Variants in EIPR1 observed in about 807,000 individuals in gnomAD.
The protein encoded by EIPR1 is EARP complex and GARP complex interacting protein 1, also known as EARP and GARP complex-interacting protein 1.
Under a neutral mutation model 48.1 loss-of-function variants are expected in EIPR1, and 25 were observed. The ratio of observed to expected loss-of-function variants is 0.52; its 90% CI spans 0.38 to 0.73. EIPR1 has a LOEUF of 0.73. Ranked by LOEUF, EIPR1 falls within the 30% of genes least tolerant of loss-of-function variation. The probability of loss-of-function intolerance (pLI) is 0.00; values close to 1 mark genes in which losing one functional copy is unlikely to be tolerated. For missense variants in EIPR1, 415 were observed against 506.2 expected (o/e 0.82, Z 1.73); for synonymous variants, 204 against 201.9 (o/e 1.01, Z -0.09).
intron 2 of EIPR1, among the ~76,000 whole-genome samples, chr2:3,341,111 A>C (rs1466229376): frequency 1.1e-4 from 16 of 149,132 alleles, no homozygotes; most frequent in Middle Eastern, 3.4e-3. Context: ...AAAAAAAAAA[A>C]AAAAAAAAAC....
At chr2:3,218,168 G>T (rs577681056) in intron 4 of EIPR1, among the ~76,000 whole-genome samples, 1 of 151,066 alleles carries the variant, frequency 6.6e-6, no homozygotes, top group East Asian at 2.0e-4. Flanking sequence ...AGTGAGTCAG[G>T]TGGACACCCA....
intron 1 of EIPR1, among the ~76,000 whole-genome samples, chr2:3,373,389 G>A (rs1659760829): frequency 6.6e-6 from 1 of 151,936 alleles, no homozygotes; most frequent in Admixed American, 6.6e-5. Flanking sequence ...AGGGCAATTA[G>A]GCAGAAGGAA....
chr2:3,206,759 T>TA (rs1165694351), intron 5 of EIPR1, among the ~76,000 whole-genome samples: 2 of 152,148 alleles, frequency 1.3e-5, no homozygotes, highest in East Asian at 1.9e-4. Context: ...ATTTTTTTTT[T>TA]ACCAAGATAG....
At position 3,338,160 on chromosome 2, in the gene EIPR1, A is replaced by C. The variant is rs758713617; in HGVS notation, c.127-11T>G. 37 of 1,608,434 alleles carry C rather than the reference A, an allele frequency of 2.3e-5. No homozygotes were observed. Among genetic ancestry groups the C allele is most frequent in the Non-Finnish European group, 3.1e-5 (37 of 1,178,886 alleles). On this transcript the variant is annotated splice_polypyrimidine_tract_variant and intron_variant, in intron 2 of 8. Coordinates refer to ENST00000382125, the MANE Select transcript of EIPR1 (RefSeq NM_003310.5). Reference sequence around the variant, plus strand: ...ATCTATGATATGGATCTACAAATACAAGAAAAGAGCACATCAGGATCTCAA... The same window carrying C: ...ATCTATGATATGGATCTACAAATACCAGAAAAGAGCACATCAGGATCTCAA...
At chr2:3,223,929 C>T (rs926622319) in intron 4 of EIPR1, among the ~76,000 whole-genome samples, 1 of 152,192 alleles carries the variant, frequency 6.6e-6, no homozygotes, top group Non-Finnish European at 1.5e-5. Flanking sequence ...GTGGCACCCA[C>T]CTCTTCCAAC....
intron 5 of EIPR1, among the ~76,000 whole-genome samples, chr2:3,203,967 G>A (rs1430430725): frequency 3.3e-5 from 5 of 152,234 alleles, no homozygotes; most frequent in African/African-American, 1.2e-4. Flanking sequence ...TTCAAGCAGA[G>A]GACCTAGCTG....
intron 5 of EIPR1, chr2:3,208,730 T>C (rs572418863): frequency 1.4e-5 from 21 of 1,548,718 alleles, no homozygotes; most frequent in Middle Eastern, 1.7e-4. Context: ...TGCGTGAGGC[T>C]CGTGGCGGGT....
chr2:3,360,942 G>T (rs988693757), intron 1 of EIPR1, among the ~76,000 whole-genome samples: 1 of 152,020 alleles, frequency 6.6e-6, no homozygotes, highest in African/African-American at 2.4e-5. Context: ...AAGGGGAGGA[G>T]AAGGGAGGAG....
intron 4 of EIPR1, among the ~76,000 whole-genome samples, chr2:3,234,203 G>A (rs144116618): frequency 8.5e-4 from 129 of 152,342 alleles, no homozygotes; most frequent in African/African-American, 2.9e-3. Context: ...GGCATGTCTT[G>A]TATTTTGCTG....
intron 3 of EIPR1, among the ~76,000 whole-genome samples, chr2:3,296,506 A>C (rs1200235787): frequency 1.7e-5 from 2 of 118,102 alleles, no homozygotes; most frequent in Non-Finnish European, 3.4e-5. Context: ...CACACCCTCC[A>C]ACCAGCCCAT....
intron 3 of EIPR1, among the ~76,000 whole-genome samples, chr2:3,323,245 C>G (rs114359484): frequency 3.2e-4 from 48 of 152,242 alleles, no homozygotes; most frequent in African/African-American, 1.1e-3. Context: ...AGGCTCAAGA[C>G]GTGGAATCCC....
At chr2:3,365,579 G>C (rs1670952632) in intron 1 of EIPR1, among the ~76,000 whole-genome samples, 1 of 150,782 alleles carries the variant, frequency 6.6e-6, no homozygotes, top group African/African-American at 2.4e-5. Context: ...GGGAAGGTCA[G>C]CAGATAAACA....
Position 3,331,116 on chromosome 2 carries a change from T to C in EIPR1, c.259+6901A>G, listed in dbSNP as rs913798494. Among the ~76,000 whole-genome samples the C allele has an allele frequency of 5.4e-3, 655 of 121,790 alleles. 50 individuals are homozygous for C. The highest frequency in any genetic ancestry group is 0.01 in the East Asian group (36 of 3,594). The allele number at this position is 121,790 out of a possible 152,430, so 79.9% of individuals were successfully genotyped here. ...GTGAGCAGAGGCAGGCACACACTCC[T>C]GAGGTGGTGTGAGCAGAAGCAGGCG... On this transcript the variant is annotated intron_variant, in intron 3 of 8. Transcript: ENST00000382125.
intron 2 of EIPR1, among the ~76,000 whole-genome samples, chr2:3,349,445 C>T (rs952015250): frequency 6.6e-6 from 1 of 152,256 alleles, no homozygotes; most frequent in Non-Finnish European, 1.5e-5. Flanking sequence ...GCCCACACAG[C>T]CAGCTCCAGG....
chr2:3,376,431 G>A (rs1164717330), intron 1 of EIPR1, among the ~76,000 whole-genome samples: 1 of 152,138 alleles, frequency 6.6e-6, no homozygotes, highest in Non-Finnish European at 1.5e-5. Context: ...GGTGGCTCAC[G>A]CCTGTAATCC....
chr2:3,246,855 G>GGAAGGGAGGGAA (rs1425585288), intron 4 of EIPR1, among the ~76,000 whole-genome samples: 1 of 66,594 alleles, frequency 1.5e-5, no homozygotes, highest in African/African-American at 6.3e-5. Context: ...GAGGGAAGGA[G>GGAAGGGAGGGAA]GAAGGGAGGG....
In EIPR1 at chr2:3,286,150, C is replaced by CGTCT. The variant is rs1174343199; in HGVS notation, c.260-28696_260-28695insAGAC. 6.6e-6 allele frequency among the ~76,000 whole-genome samples: 1 copy of CGTCT among 152,202 alleles called. No individual in the cohort carries two copies. Among genetic ancestry groups the CGTCT allele is most frequent in the Non-Finnish European group, 1.5e-5 (1 of 68,040 alleles). On this transcript the variant is annotated intron_variant, in intron 3 of 8. Coordinates refer to ENST00000382125, the MANE Select transcript of EIPR1 (RefSeq NM_003310.5). This position sits in a 1 kb window ranked among gnomAD's most constrained non-coding sequence, Gnocchi z 4.2. ...CAAGCCCCCAGGCACATGGAGCAGA[C>CGTCT]ACAAGCCACACCTGCTATCCCTGCC...
chr2:3,205,129 C>A (rs1388889223), intron 5 of EIPR1, among the ~76,000 whole-genome samples: 1 of 152,178 alleles, frequency 6.6e-6, no homozygotes, highest in Admixed American at 6.5e-5. Flanking sequence ...GCAGGCGTGT[C>A]CCAGGTTGTG....
chr2:3,213,813 CA>C (rs1159025440), intron 5 of EIPR1, among the ~76,000 whole-genome samples: 2 of 152,192 alleles, frequency 1.3e-5, no homozygotes, highest in Non-Finnish European at 2.9e-5. Flanking sequence ...TCAAGAATTA[CA>C]TTCTGAATTT....
Sources: allele counts gnomAD v4.1 joint callset (sites outside exome capture counted in the v4.1 genomes callset), GRCh38; gene constraint gnomAD v4.1.1; non-coding constraint Gnocchi (gnomAD v3.1); transcripts MANE v1.5; gene names NCBI Gene and HGNC (gene_info 2026-07-23, HGNC 2026-07-21).